Variants in RBM33 observed in about 807,000 individuals in gnomAD.
RBM33 encodes RNA binding motif protein 33.
A neutral mutation model predicts 132.6 loss-of-function variants in RBM33; 28 were observed. The observed-to-expected ratio is 0.21, with a 90% confidence interval of 0.16 to 0.29. The LOEUF (loss-of-function observed/expected upper bound fraction) is 0.29, where lower values mean the gene tolerates loss of function less well. RBM33 is among the 10% of genes least tolerant of loss of function. RBM33 has a pLI of 1.00. For synonymous variants in RBM33, 634 were observed against 593.0 expected, an observed-to-expected ratio of 1.07 and a Z score of -1.01; for missense variants, 1,291 against 1,518.5, an observed-to-expected ratio of 0.85 and a Z score of 2.49.
intron 5 of RBM33, among the ~76,000 whole-genome samples, chr7:155,691,715 T>C (rs1230283981): frequency 6.6e-6 from 1 of 152,160 alleles, no homozygotes; most frequent in Non-Finnish European, 1.5e-5. Context: ...CTTCAGTTCC[T>C]GGACAGTCCT....
intron 14 of RBM33, among the ~76,000 whole-genome samples, chr7:155,753,670 A>C (rs1411494081): frequency 6.6e-6 from 1 of 152,224 alleles, no homozygotes; most frequent in African/African-American, 2.4e-5. Context: ...AGTTCTGGGA[A>C]GACTAGGCAG....
chr7:155,740,105 G>T, intron 12 of RBM33, 79 bp downstream of exon 12: 1 of 1,429,474 alleles, frequency 7.0e-7, no homozygotes, highest in Non-Finnish European at 9.2e-7. Flanking sequence ...ATAATATGTA[G>T]GTTAGAATAT....
At chr7:155,695,642 G>T (rs1197263943) in intron 5 of RBM33, among the ~76,000 whole-genome samples, 1 of 152,044 alleles carries the variant, frequency 6.6e-6, no homozygotes, top group Non-Finnish European at 1.5e-5. Flanking sequence ...TATATTTTTG[G>T]TAGAGACAGG....
intron 16 of RBM33, 174 bp downstream of exon 16, chr7:155,766,829 C>A: frequency 1.5e-6 from 1 of 651,820 alleles, no homozygotes; most frequent in Admixed American, 3.2e-5. Context: ...TTGCCTCAAA[C>A]GTTTATTTTG....
intron 5 of RBM33, among the ~76,000 whole-genome samples, chr7:155,690,486 A>T (rs1158532548): frequency 1.3e-5 from 2 of 152,110 alleles, no homozygotes; most frequent in Admixed American, 6.5e-5. Context: ...TAATATTGTT[A>T]TGTGTGAATT....
At chr7:155,689,739 T>A (rs979355378) in intron 5 of RBM33, among the ~76,000 whole-genome samples, 3 of 152,236 alleles carry the variant, frequency 2.0e-5, no homozygotes, top group Non-Finnish European at 4.4e-5. Flanking sequence ...TACCCAGTAG[T>A]CAGTCAGGAG....
Position 155,770,319 on chromosome 7 carries a change from G to T in RBM33, c.3375+3664G>T, listed in dbSNP as rs540225496. ...CGCTGGAATCGTGTGCAGGCTTCAG[G>T]CGCCCTATTTCCAACAGGAGGTTGG... On this transcript the variant is annotated intron_variant, in intron 16 of 17. Transcript: ENST00000401878. 9.2e-5 allele frequency among the ~76,000 whole-genome samples: 14 copies of T among 152,318 alleles called. 1 individual carries two copies. In the East Asian group the frequency reaches 2.5e-3, roughly 27 times the overall value.
chr7:155,693,479 A>G (rs532371374), intron 5 of RBM33, among the ~76,000 whole-genome samples: 2 of 152,172 alleles, frequency 1.3e-5, no homozygotes, highest in South Asian at 4.1e-4. Flanking sequence ...TGTATTATTT[A>G]CTTTTTACTT....
chr7:155,753,918 A>G (rs1801765291), intron 14 of RBM33, among the ~76,000 whole-genome samples: 1 of 152,264 alleles, frequency 6.6e-6, no homozygotes, highest in Admixed American at 6.5e-5. Flanking sequence ...ATCCTGATTA[A>G]TCACTTATTT....
In RBM33 at chr7:155,780,908, G is replaced by A. The variant is rs1802803779; in HGVS notation, c.*5867G>A. On this transcript the variant is annotated 3_prime_UTR_variant, in exon 18 of 18. Transcript: ENST00000401878. ...CAGTTTGGCTCTGTAGGAGTGAGTG[G>A]CGATTCAAAGATGCCGGCGTCCCGC... The A allele has an allele frequency of 6.5e-6, 1 of 152,758 alleles. No individual in the cohort carries two copies. The highest frequency in any genetic ancestry group is 1.5e-5 in the Non-Finnish European group (1 of 68,062). 9.5% of individuals were successfully genotyped at this position (152,758 alleles called of 1,614,324 possible). A position where few individuals can be genotyped will look rare whatever the true frequency, so the allele number is the denominator to read the frequency against.
chr7:155,744,239 C>G (rs902911989), intron 13 of RBM33, among the ~76,000 whole-genome samples: 5 of 152,216 alleles, frequency 3.3e-5, no homozygotes, highest in African/African-American at 1.2e-4. Context: ...AATATTATTA[C>G]AATTCTTTAA....
At chr7:155,681,459 C>T (rs1374905169) in intron 5 of RBM33, among the ~76,000 whole-genome samples, 2 of 149,312 alleles carry the variant, frequency 1.3e-5, no homozygotes, top group African/African-American at 2.5e-5. Flanking sequence ...TTTTTTATTT[C>T]AGAAAGATGA....
Position 155,742,028 on chromosome 7 carries a change from A to C in RBM33, c.2259A>C (p.Ser753=). The stretch of plus-strand genomic sequence containing the variant: ...GGGCCGTGGCGGGTTCCAGAAGCTC[A>C]CAGGGAAAGACGGAAGTGAAAGTCA... ...PSRAVAGSRS[S]QGKTEVKVKP... The change falls in exon 13 of 18, where the codon TCA becomes TCC. Residue 753 remains serine (S), a synonymous_variant. Coordinates refer to ENST00000401878, the MANE Select transcript of RBM33 (RefSeq NM_053043.3). 2 of 1,614,000 alleles carry C rather than the reference A, an allele frequency of 1.2e-6. No individual in the cohort carries two copies. The highest frequency in any genetic ancestry group is 1.7e-6 in the Non-Finnish European group (2 of 1,179,892).
Position 155,745,088 on chromosome 7 carries a change from A to T in RBM33, c.2465A>T (p.Glu822Val). ...CAGCAGGCTGGTGCCAGGAAGAAGG[A>T]GCTGCTGGAGAGACTCGCGCAGCAA... Reference protein sequence around the residue: ...RQQQAGARKKELLERLAQQQQ... With the variant: ...RQQQAGARKKVLLERLAQQQQ... The change falls in exon 14 of 18, where the codon GAG (glutamate) becomes GTG (valine). Residue 822 changes from glutamate (E) to valine (V), a missense_variant. Around this residue, in one of 7 missense-constraint regions of RBM33, gnomAD observed 841 missense variants for 912.0 expected, o/e 0.92. Transcript: ENST00000401878. This position sits in a 1 kb window ranked among gnomAD's most constrained non-coding sequence, Gnocchi z 4.1. 1 of 1,603,124 alleles carries T rather than the reference A, an allele frequency of 6.2e-7. No homozygotes were observed. Among genetic ancestry groups the T allele is most frequent in the Non-Finnish European group, 8.5e-7 (1 of 1,174,416 alleles).
rs758335106 is a variant in RBM33, at chr7:155,768,478, T to C, written c.3375+1823T>C. On this transcript the variant is annotated intron_variant, in intron 16 of 17. Coordinates refer to ENST00000401878, the MANE Select transcript of RBM33 (RefSeq NM_053043.3). ...TTTTATCCTAAATGTTTTGGAATAG[T>C]GTCGAGTCTCTGTCTCTTTGGGATA... Among the ~76,000 whole-genome samples the C allele has an allele frequency of 9.2e-5, 14 of 152,324 alleles. 1 individual carries two copies. The South Asian group carries it at 1.4e-3, about 16-fold the overall frequency.
chr7:155,770,738 A>G (rs1404818500), intron 16 of RBM33, among the ~76,000 whole-genome samples: 2 of 152,080 alleles, frequency 1.3e-5, no homozygotes, highest in South Asian at 4.1e-4. Context: ...ATGCATGCAC[A>G]CACACAACCA....
intron 12 of RBM33, among the ~76,000 whole-genome samples, chr7:155,740,344 T>C (rs150287596): frequency 6.6e-6 from 1 of 152,338 alleles, no homozygotes; most frequent in Admixed American, 6.5e-5. Flanking sequence ...GAAAATACTT[T>C]TGGGTGGTAG....
chr7:155,675,358 T>G (rs1260036666), intron 3 of RBM33, among the ~76,000 whole-genome samples: 5 of 152,034 alleles, frequency 3.3e-5, no homozygotes, highest in Non-Finnish European at 7.4e-5. Context: ...AATTTAACAT[T>G]GTATCATTGG....
chr7:155,699,885 C>A (rs1799909090), intron 5 of RBM33, among the ~76,000 whole-genome samples: 1 of 152,120 alleles, frequency 6.6e-6, no homozygotes, highest in Non-Finnish European at 1.5e-5. Context: ...AATCATGAGA[C>A]TAAAGGAGCA....
Sources: gnomAD v4.1 joint callset for allele counts (sites outside exome capture counted in the v4.1 genomes callset) on GRCh38, gnomAD v4.1.1 for gene constraint, gnomAD v4.1.1 regional missense constraint, Gnocchi (gnomAD v3.1) non-coding constraint, MANE v1.5 for transcripts, NCBI Gene and HGNC (gene_info 2026-07-23, HGNC 2026-07-21) for gene names.